The following CENPP variants were observed in gnomAD, a reference collection of about 807,000 sequenced individuals.
CENPP encodes centromere protein P.
A neutral mutation model predicts 35.6 loss-of-function variants in CENPP; 24 were observed. That is an observed-to-expected ratio of 0.67 (90% confidence interval 0.49 to 0.95). CENPP has a LOEUF of 0.95. CENPP is among the 40% of genes least tolerant of loss of function. The pLI, the probability that CENPP is intolerant of heterozygous loss-of-function variation, is 0.00. For synonymous variants in CENPP, 120 were observed against 125.5 expected, an observed-to-expected ratio of 0.96 and a Z score of 0.29; for missense variants, 332 against 345.3, an observed-to-expected ratio of 0.96 and a Z score of 0.31.
At chr9:92,333,943 T>C (rs553595374) in intron 2 of CENPP, among the ~76,000 whole-genome samples, 38 of 152,354 alleles carry the variant, frequency 2.5e-4, no homozygotes, top group African/African-American at 8.9e-4. Context: ...GTAGACTTTA[T>C]TGCAGCTATG....
intron 5 of CENPP, among the ~76,000 whole-genome samples, chr9:92,544,636 G>T (rs1253786528): frequency 2.6e-5 from 4 of 151,596 alleles, no homozygotes; most frequent in Non-Finnish European, 4.4e-5. Flanking sequence ...AAAAGCTGTG[G>T]CAAGACTGAT....
At chr9:92,480,841 A>G (rs573383305) in intron 5 of CENPP, among the ~76,000 whole-genome samples, 34 of 152,106 alleles carry the variant, frequency 2.2e-4, no homozygotes, top group Non-Finnish European at 4.3e-4. Context: ...AACCAAATTC[A>G]GATGTAATCA....
chr9:92,505,460 A>C, intron 5 of CENPP: 1 of 1,292,516 alleles, frequency 7.7e-7, no homozygotes, highest in Non-Finnish European at 1.1e-6. Context: ...CAATAGTCTT[A>C]AAATATATTT....
intron 5 of CENPP, among the ~76,000 whole-genome samples, chr9:92,501,460 G>A (rs970698727): frequency 6.6e-6 from 1 of 152,142 alleles, no homozygotes. Context: ...AAGGAAGTTT[G>A]GTTTGTTTTG....
chr9:92,351,475 C>CAA (rs34297687), intron 4 of CENPP, among the ~76,000 whole-genome samples: 2 of 132,538 alleles, frequency 1.5e-5, no homozygotes, highest in Non-Finnish European at 3.4e-5. Flanking sequence ...GAGACTATCT[C>CAA]AAAAAAAAAA....
intron 5 of CENPP, among the ~76,000 whole-genome samples, chr9:92,473,112 G>A (rs1447192840): frequency 6.6e-6 from 1 of 152,210 alleles, no homozygotes; most frequent in Non-Finnish European, 1.5e-5. Flanking sequence ...AAAGCTAAAT[G>A]TTTGGGAGAC....
intron 1 of CENPP, 130 bp downstream of exon 1, chr9:92,326,235 T>G (rs1193680690): frequency 1.6e-6 from 1 of 644,594 alleles, no homozygotes; most frequent in Admixed American, 3.0e-5. Context: ...GCATTGATCC[T>G]GTCATGACGA....
At chr9:92,466,637 G>T in intron 5 of CENPP, 1 of 1,331,020 alleles carries the variant, frequency 7.5e-7, no homozygotes, top group East Asian at 2.3e-5. Flanking sequence ...ATTCTACAGT[G>T]ATTAGCCAAT....
At chr9:92,387,053 G>GAAAAAA (rs903436031) in intron 5 of CENPP, among the ~76,000 whole-genome samples, 46 of 50,052 alleles carry the variant, frequency 9.2e-4, no homozygotes, top group South Asian at 2.1e-3. Context: ...GTCTCAAAAA[G>GAAAAAA]AAAAAAAAAA....
intron 5 of CENPP, among the ~76,000 whole-genome samples, chr9:92,497,449 ACC>A (rs1202835632): frequency 6.6e-6 from 1 of 151,596 alleles, no homozygotes; most frequent in Non-Finnish European, 1.5e-5. Context: ...ACATGGAGAA[ACC>A]CCGTCTCTAC....
At chr9:92,473,817 A>G (rs1845612441) in intron 5 of CENPP, among the ~76,000 whole-genome samples, 1 of 152,160 alleles carries the variant, frequency 6.6e-6, no homozygotes, top group Non-Finnish European at 1.5e-5. Context: ...GTAAGCTTTA[A>G]CTCTTGCCAT....
intron 5 of CENPP, among the ~76,000 whole-genome samples, chr9:92,479,156 A>T (rs1261054755): frequency 6.6e-6 from 1 of 152,164 alleles, no homozygotes; most frequent in Non-Finnish European, 1.5e-5. Flanking sequence ...CAGGGCAGGG[A>T]AGGCAGGGAG....
At chr9:92,339,031 G>A (rs1841022581) in intron 3 of CENPP, among the ~76,000 whole-genome samples, 1 of 152,214 alleles carries the variant, frequency 6.6e-6, no homozygotes, top group Admixed American at 6.5e-5. Context: ...AGAGAAAGCA[G>A]TTGAAAGAGG....
chr9:92,416,247 A>G (rs2130958169), intron 5 of CENPP, among the ~76,000 whole-genome samples: 1 of 151,648 alleles, frequency 6.6e-6, no homozygotes, highest in East Asian at 1.9e-4. Flanking sequence ...GTACAGGCAC[A>G]TGCCACCATG....
At position 92,351,677 on chromosome 9, in the gene CENPP, C is replaced by T. The variant is rs1282843421; in HGVS notation, c.467+5890C>T. ...ATGGAGTCTCGCTCTGTCGCCCAGGCAGGCGTGCAGTGGTGTGATCTCTGC... is the reference window on the plus strand; with the variant it reads ...ATGGAGTCTCGCTCTGTCGCCCAGGTAGGCGTGCAGTGGTGTGATCTCTGC... On this transcript the variant is annotated intron_variant, in intron 4 of 7. Transcript: ENST00000375587. 2.0e-5 allele frequency among the ~76,000 whole-genome samples: 3 copies of T among 152,086 alleles called. No homozygotes were observed. In the South Asian group the frequency reaches 6.2e-4, roughly 32 times the overall value.
intron 5 of CENPP, among the ~76,000 whole-genome samples, chr9:92,409,773 T>G (rs1388761120): frequency 6.6e-6 from 1 of 152,178 alleles, no homozygotes; most frequent in African/African-American, 2.4e-5. Flanking sequence ...AATAAATGAA[T>G]TTTCACATTT....
intron 5 of CENPP, among the ~76,000 whole-genome samples, chr9:92,501,257 T>A (rs1396742717): frequency 6.6e-6 from 1 of 152,162 alleles, no homozygotes; most frequent in Non-Finnish European, 1.5e-5. Flanking sequence ...GGTGCCATAC[T>A]GCCTCCCAGC....
At chr9:92,553,028 A>G (rs1849647897) in intron 5 of CENPP, among the ~76,000 whole-genome samples, 1 of 151,330 alleles carries the variant, frequency 6.6e-6, no homozygotes, top group African/African-American at 2.4e-5. Flanking sequence ...ATCTTCTAGA[A>G]TTTTTATAGT....
chr9:92,348,638 C>T (rs929622694), intron 4 of CENPP, among the ~76,000 whole-genome samples: 6 of 152,148 alleles, frequency 3.9e-5, no homozygotes, highest in Non-Finnish European at 7.4e-5. Flanking sequence ...GTGATCCACC[C>T]GCCTTGGCCT....
Sources: gnomAD v4.1 joint callset for allele counts (sites outside exome capture counted in the v4.1 genomes callset) on GRCh38, gnomAD v4.1.1 for gene constraint, MANE v1.5 for transcripts, NCBI Gene and HGNC (gene_info 2026-07-23, HGNC 2026-07-21) for gene names.